Variants in GRID2 observed in about 807,000 individuals in gnomAD.
GRID2 encodes glutamate ionotropic receptor delta type subunit 2, also known as glutamate receptor ionotropic, delta-2.
A neutral mutation model predicts 114.8 loss-of-function variants in GRID2; 33 were observed. That is an observed-to-expected ratio of 0.29 (90% CI 0.22 to 0.38). The LOEUF (loss-of-function observed/expected upper bound fraction) is 0.38, where lower values mean the gene tolerates loss of function less well. GRID2 is among the 10% of genes least tolerant of loss of function. GRID2 has a pLI of 1.00. For synonymous variants in GRID2, 505 were observed against 449.9 expected (o/e 1.12, Z -1.55); for missense variants, 1,184 against 1,257.7 (o/e 0.94, Z 0.89).
At chr4:92,685,778 C>T (rs1291440497) in intron 2 of GRID2, among the ~76,000 whole-genome samples, 2 of 151,992 alleles carry the variant, frequency 1.3e-5, no homozygotes, top group Admixed American at 6.6e-5. Flanking sequence ...TTTATATTCT[C>T]TACCTGTTCT....
intron 2 of GRID2, among the ~76,000 whole-genome samples, chr4:92,944,179 T>G (rs921357330): frequency 3.9e-5 from 6 of 152,178 alleles, no homozygotes; most frequent in Non-Finnish European, 8.8e-5. Flanking sequence ...TGCCCCCAGA[T>G]GTGGAGTCTA....
At position 93,773,220 on chromosome 4, in the gene GRID2, TCATATATATA is replaced by T. The variant is rs1734235447; in HGVS notation, c.*732_*741del. On this transcript the variant is annotated 3_prime_UTR_variant, in exon 16 of 16. Transcript: ENST00000282020. ...CTATTGTGTTAAATAAATTAGTATT[TCATATATATA>T]CATATATATGCACCTATATAATGTG... The T allele has an allele frequency of 6.6e-6, 1 of 152,128 alleles. No homozygotes were observed. Among genetic ancestry groups the T allele is most frequent in the Non-Finnish European group, 1.5e-5 (1 of 68,004 alleles). 9.4% of individuals were successfully genotyped at this position (152,128 alleles called of 1,614,324 possible). A position where few individuals can be genotyped will look rare whatever the true frequency, so the allele number is the denominator to read the frequency against.
chr4:93,615,638 CCAA>C (rs1741551442), intron 13 of GRID2, among the ~76,000 whole-genome samples: 1 of 146,072 alleles, frequency 6.8e-6, no homozygotes, highest in Admixed American at 6.7e-5. Flanking sequence ...GGCCTTCACC[CCAA>C]AAAAAAAAAA....
chr4:92,816,657 C>A (rs936893777), intron 2 of GRID2, among the ~76,000 whole-genome samples: 1 of 152,034 alleles, frequency 6.6e-6, no homozygotes, highest in Admixed American at 6.6e-5. Context: ...TAAAAGAGTT[C>A]TGGCATTTGA....
chr4:93,381,645 A>G (rs530741339), intron 8 of GRID2, among the ~76,000 whole-genome samples: 1 of 152,248 alleles, frequency 6.6e-6, no homozygotes, highest in East Asian at 1.9e-4. Flanking sequence ...GTTTAACTCC[A>G]ATAATACACA....
chr4:92,492,106 C>T (rs536122628), intron 1 of GRID2, among the ~76,000 whole-genome samples: 35 of 152,226 alleles, frequency 2.3e-4, no homozygotes, highest in African/African-American at 7.2e-4. Context: ...GCTTTGTATG[C>T]TCATCAGGAC....
intron 1 of GRID2, among the ~76,000 whole-genome samples, chr4:92,360,936 T>G (rs1728589235): frequency 1.3e-5 from 2 of 152,058 alleles, no homozygotes; most frequent in Non-Finnish European, 2.9e-5. Flanking sequence ...TTGTGTTCTA[T>G]TTTAAATTGC....
chr4:92,488,942 A>G (rs1284134313), intron 1 of GRID2, among the ~76,000 whole-genome samples: 3 of 152,202 alleles, frequency 2.0e-5, no homozygotes, highest in African/African-American at 7.2e-5. Context: ...GTAGAACAAC[A>G]GAGCCTACCC....
intron 11 of GRID2, among the ~76,000 whole-genome samples, chr4:93,479,816 T>C (rs1285374197): frequency 1.3e-5 from 2 of 152,064 alleles, no homozygotes; most frequent in Non-Finnish European, 2.9e-5. Context: ...ACCAGTCTTC[T>C]CTGGAAGCCC....
chr4:92,442,377 G>A (rs1342287020), intron 1 of GRID2, among the ~76,000 whole-genome samples: 23 of 152,090 alleles, frequency 1.5e-4, no homozygotes, highest in Non-Finnish European at 2.6e-4. Context: ...GAGGAATTCC[G>A]GGCTGCGGGC....
At chr4:93,361,998 C>A (rs1045188660) in intron 8 of GRID2, among the ~76,000 whole-genome samples, 2 of 152,052 alleles carry the variant, frequency 1.3e-5, no homozygotes, top group African/African-American at 4.8e-5. Context: ...CCCCTTCCCC[C>A]ACCCCACAGG....
At chr4:92,572,631 T>G (rs765719137) in intron 1 of GRID2, among the ~76,000 whole-genome samples, 2 of 152,124 alleles carry the variant, frequency 1.3e-5, no homozygotes, top group Non-Finnish European at 2.9e-5. Flanking sequence ...GAATCAGCCT[T>G]GCATCCTGGA....
At chr4:92,700,995 A>AAAAAACAAAAC (rs1265540855) in intron 2 of GRID2, among the ~76,000 whole-genome samples, 175 of 147,246 alleles carry the variant, frequency 1.2e-3, no homozygotes, top group African/African-American at 4.2e-3. Flanking sequence ...CTCCATCTCA[A>AAAAAACAAAAC]AAAAAAAAAA....
intron 2 of GRID2, among the ~76,000 whole-genome samples, chr4:92,817,838 A>G (rs761257657): frequency 6.6e-6 from 1 of 151,816 alleles, no homozygotes; most frequent in Non-Finnish European, 1.5e-5. Flanking sequence ...AGCCTTGCCA[A>G]TTTTTTTACA....
intron 2 of GRID2, 124 bp from the exon 3 acceptor site, chr4:93,084,871 C>G: frequency 1.5e-6 from 1 of 672,056 alleles, no homozygotes; most frequent in Non-Finnish European, 2.5e-6. Flanking sequence ...ATCGAATGTT[C>G]CTTTCTAAAA....
chr4:93,058,769 T>C (rs1483554546), intron 2 of GRID2, among the ~76,000 whole-genome samples: 1 of 152,040 alleles, frequency 6.6e-6, no homozygotes, highest in Non-Finnish European at 1.5e-5. Flanking sequence ...TATATAATTC[T>C]AAAATTATTT....
chr4:92,611,570 A>C (rs1729745895), intron 2 of GRID2, among the ~76,000 whole-genome samples: 1 of 151,590 alleles, frequency 6.6e-6, no homozygotes, highest in Admixed American at 6.6e-5. Context: ...ATAGCATCTT[A>C]CTAGGGTAGA....
intron 10 of GRID2, among the ~76,000 whole-genome samples, chr4:93,424,770 C>T (rs1768675703): frequency 6.6e-6 from 1 of 151,856 alleles, no homozygotes; most frequent in South Asian, 2.1e-4. Flanking sequence ...TCTTTCCTTT[C>T]TCTTCTTGAT....
chr4:93,462,121 T>C (rs1254722950), intron 11 of GRID2, among the ~76,000 whole-genome samples: 1 of 152,104 alleles, frequency 6.6e-6, no homozygotes. Context: ...GCACCAACAA[T>C]GTGCCAGGAA....
Sources: allele counts gnomAD v4.1 joint callset (sites outside exome capture counted in the v4.1 genomes callset), GRCh38; gene constraint gnomAD v4.1.1; transcripts MANE v1.5; gene names NCBI Gene and HGNC (gene_info 2026-07-23, HGNC 2026-07-21).